Variants in PYGB observed in about 807,000 individuals in gnomAD.
PYGB encodes glycogen phosphorylase B.
In PYGB, 82 loss-of-function variants were observed where a neutral mutation model predicts 94.3. The ratio of observed to expected loss-of-function variants is 0.87; its 90% CI spans 0.73 to 1.04. The LOEUF (loss-of-function observed/expected upper bound fraction) is 1.04, where lower values mean the gene tolerates loss of function less well. Ranked by LOEUF, PYGB falls within the 50% of genes least tolerant of loss-of-function variation. PYGB has a pLI of 0.00. For synonymous variants in PYGB, 488 were observed against 479.1 expected (o/e 1.02, Z -0.24); for missense variants, 1,132 against 1,158.2 (o/e 0.98, Z 0.33).
At chr20:25,275,769 G>A (rs2088305598) in intron 5 of PYGB, among the ~76,000 whole-genome samples, 2 of 152,224 alleles carry the variant, frequency 1.3e-5, no homozygotes, top group African/African-American at 4.8e-5. Flanking sequence ...CAGGATGGAA[G>A]GGGCTAGAAT....
Position 25,269,169 on chromosome 20 carries a change from A to G in PYGB, c.386A>G (p.Asp129Gly), listed in dbSNP as rs1315218933. The change falls in exon 3 of 20, where the codon GAT (aspartate) becomes GGT (glycine). Residue 129 changes from aspartate to glycine, a missense_variant. Asp to Gly is a moderately conservative substitution (Grantham distance 94). Transcript: ENST00000216962. ...GAGGAACTCGAGGAGATAGAAGAAG[A>G]TGCTGGCCTTGGGAATGGAGGCCTG... ...DLEELEEIEE[D>G]AGLGNGGLGR... is the part of the protein sequence containing the mutation. The G allele has an allele frequency of 6.2e-7, 1 of 1,601,874 alleles. No individual in the cohort carries two copies. The highest frequency in any genetic ancestry group is 8.6e-7 in the Non-Finnish European group (1 of 1,168,982).
Position 25,277,675 on chromosome 20 carries a change from C to T in PYGB, c.855+349C>T, listed in dbSNP as rs73343010. Among the ~76,000 whole-genome samples, 1,220 of 152,326 alleles carry T rather than the reference C, an allele frequency of 8.0e-3. 25 individuals carry two copies. Among genetic ancestry groups the T allele is most frequent in the African/African-American group, 0.028 (1,166 of 41,568 alleles). On this transcript the variant is annotated intron_variant, in intron 7 of 19. Transcript: ENST00000216962. ...CCTCCAGTCTGTGTGCTGTTCTAGC[C>T]TGCAGTGCCACTTCCCCAAGCAGGT... is the stretch of plus-strand genomic sequence containing the variant.
intron 14 of PYGB, chr20:25,288,191 C>T: frequency 3.0e-6 from 2 of 671,598 alleles, no homozygotes; most frequent in Non-Finnish European, 5.5e-6. Context: ...CAGCGGGGAA[C>T]CTAAGTGCAG....
At chr20:25,280,475 C>G (rs1320353619) in intron 10 of PYGB, 63 bp downstream of exon 10, 14 of 1,570,382 alleles carry the variant, frequency 8.9e-6, no homozygotes, top group Non-Finnish European at 1.2e-5. Context: ...GGCCCCCCAC[C>G]TGGCCTGGGA....
chr20:25,250,510 A>G (rs142063407), intron 1 of PYGB, among the ~76,000 whole-genome samples: 2 of 152,232 alleles, frequency 1.3e-5, no homozygotes, highest in Non-Finnish European at 2.9e-5. Context: ...CTGTGTGCCT[A>G]TTCTGAATAG....
At chr20:25,295,067 T>C in intron 18 of PYGB, 1 of 1,600,634 alleles carries the variant, frequency 6.2e-7, no homozygotes, top group Non-Finnish European at 8.6e-7. Context: ...TTGTGAACTC[T>C]GCATTTCGTG....
At chr20:25,278,514 G>C (rs1454453630) in intron 8 of PYGB, 52 bp downstream of exon 8, 1 of 1,600,406 alleles carries the variant, frequency 6.2e-7, no homozygotes, top group East Asian at 2.2e-5. Flanking sequence ...GGCGCCTTCA[G>C]GCTCTTGAGG....
chr20:25,270,442 T>C (rs1255696807), intron 3 of PYGB, among the ~76,000 whole-genome samples: 1 of 152,182 alleles, frequency 6.6e-6, no homozygotes. Flanking sequence ...GACCTCGTGA[T>C]CTGCCCGCCT....
chr20:25,268,981 A>T (rs1404648275), intron 2 of PYGB, 148 bp from the exon 3 acceptor site: 2 of 686,274 alleles, frequency 2.9e-6, no homozygotes, highest in Non-Finnish European at 5.1e-6. Context: ...TTGATTTAAC[A>T]TCAAATTTTA....
chr20:25,294,199 A>G lies in PYGB; in HGVS notation c.2219A>G (p.Lys740Arg), dbSNP rs778635508. 6.2e-7 allele frequency: 1 copy of G among 1,613,994 alleles called. No homozygotes were observed. Among genetic ancestry groups the G allele is most frequent in the South Asian group, 1.1e-5 (1 of 91,080 alleles). ...REYYDHLPEL[K>R]QAVDQISSGF... Reference sequence around the variant, plus strand: ...TACTACGACCACCTGCCCGAGCTGAAGCAGGCCGTGGACCAGATCAGCAGT... The same window carrying G: ...TACTACGACCACCTGCCCGAGCTGAGGCAGGCCGTGGACCAGATCAGCAGT... Residue 740 changes from lysine (K) to arginine (R), a missense_variant, in exon 18 of 20, where the codon AAG becomes AGG. Coordinates refer to ENST00000216962, the MANE Select transcript of PYGB (RefSeq NM_002862.4).
rs775764860 is a variant in PYGB, at chr20:25,284,115, C to T, written c.1632C>T (p.Leu544=). Residue 544 remains leucine (L), a synonymous_variant, in exon 14 of 20, where the codon CTC becomes CTT. Coordinates refer to ENST00000216962, the MANE Select transcript of PYGB (RefSeq NM_002862.4). ...DVAKVKQENK[L]KFSAFLEKEY... The stretch of plus-strand genomic sequence containing the variant: ...TTTCACCCTCCCAGGAGAACAAGCT[C>T]AAGTTCTCGGCCTTCCTGGAGAAGG... 7 of 1,613,998 alleles carry T rather than the reference C, an allele frequency of 4.3e-6. No homozygotes were observed. The highest frequency in any genetic ancestry group is 5.9e-6 in the Non-Finnish European group (7 of 1,179,910).
intron 18 of PYGB, chr20:25,295,001 TCTGGGCTGGAAC>T: frequency 2.5e-6 from 4 of 1,614,222 alleles, no homozygotes; most frequent in Non-Finnish European, 3.4e-6. Flanking sequence ...CATGCTGGGA[TCTGGGCTGGAAC>T]CTGGGCCCTG....
rs73343050 is a variant in PYGB, at chr20:25,286,260, G to A, written c.1768+2009G>A. Among the ~76,000 whole-genome samples, 1,008 of 152,324 alleles carry A rather than the reference G, an allele frequency of 6.6e-3. 15 individuals carry two copies. Among genetic ancestry groups the A allele is most frequent in the African/African-American group, 0.023 (962 of 41,558 alleles). ...TTCTGCTTCTGGGCTGCAGTGTGGC[G>A]TGAGGTGGCTTTCTCTGGCCTTCTT... On this transcript the variant is annotated intron_variant, in intron 14 of 19. Coordinates refer to ENST00000216962, the MANE Select transcript of PYGB (RefSeq NM_002862.4).
chr20:25,265,410 A>C (rs1418033379), intron 2 of PYGB, among the ~76,000 whole-genome samples: 1 of 152,148 alleles, frequency 6.6e-6, no homozygotes, highest in Non-Finnish European at 1.5e-5. Context: ...GTTTTTTGAC[A>C]GTAGTCATTC....
intron 14 of PYGB, among the ~76,000 whole-genome samples, chr20:25,287,088 C>T (rs190867287): frequency 6.6e-6 from 1 of 152,202 alleles, no homozygotes; most frequent in South Asian, 2.1e-4. Flanking sequence ...GCCGCTCATC[C>T]CCTTTTTGTA....
chr20:25,288,536 G>A, intron 15 of PYGB, 53 bp downstream of exon 15: 3 of 1,586,650 alleles, frequency 1.9e-6, no homozygotes, highest in Non-Finnish European at 2.6e-6. Flanking sequence ...GGGGATAGTG[G>A]GTGGGCAGCC....
At chr20:25,291,040 C>T (rs2088462982) in intron 16 of PYGB, among the ~76,000 whole-genome samples, 1 of 152,036 alleles carries the variant, frequency 6.6e-6, no homozygotes, top group Admixed American at 6.6e-5. Flanking sequence ...GTGTCTTCTG[C>T]CCTGGGCCCC....
chr20:25,290,399 T>G (rs1451721825), intron 15 of PYGB, 82 bp from the exon 16 acceptor site: 3 of 1,538,626 alleles, frequency 1.9e-6, no homozygotes, highest in African/African-American at 2.7e-5. Context: ...CTCACCCCCC[T>G]ACAGACCCCA....
chr20:25,291,048 C>T (rs1185121290), intron 16 of PYGB, among the ~76,000 whole-genome samples: 2 of 152,122 alleles, frequency 1.3e-5, no homozygotes, highest in East Asian at 1.9e-4. Context: ...TGCCCTGGGC[C>T]CCTCTGCTGG....
Sources: gnomAD v4.1 joint callset for allele counts (sites outside exome capture counted in the v4.1 genomes callset) on GRCh38, gnomAD v4.1.1 for gene constraint, MANE v1.5 for transcripts, NCBI Gene and HGNC (gene_info 2026-07-23, HGNC 2026-07-21) for gene names.